Variants in CNTNAP5 observed in about 807,000 individuals in gnomAD.
CNTNAP5 encodes contactin associated protein family member 5.
CNTNAP5 carries 72 observed loss-of-function variants against 150.2 expected under a neutral mutation model. The observed-to-expected ratio is 0.48, with a 90% confidence interval of 0.40 to 0.58. The LOEUF (loss-of-function observed/expected upper bound fraction) is 0.58, where lower values mean the gene tolerates loss of function less well. Among genes scored for constraint, CNTNAP5 ranks in the 20% least tolerant of loss-of-function variants. The pLI is 0.00. For synonymous variants in CNTNAP5, 672 were observed against 619.8 expected (o/e 1.08, Z -1.25); for missense variants, 1,636 against 1,626.2 (o/e 1.01, Z -0.10).
At chr2:124,426,606 C>T (rs1287828074) in intron 4 of CNTNAP5, among the ~76,000 whole-genome samples, 2 of 152,300 alleles carry the variant, frequency 1.3e-5, no homozygotes, top group Non-Finnish European at 2.9e-5. Flanking sequence ...TGTTGAGCTT[C>T]GGCTTTCTGG....
chr2:124,220,512 C>G (rs548635136), intron 1 of CNTNAP5, among the ~76,000 whole-genome samples: 49 of 152,218 alleles, frequency 3.2e-4, no homozygotes, highest in African/African-American at 1.1e-3. Context: ...AAAATACAAA[C>G]AGATAAGTGA....
In CNTNAP5 at chr2:124,563,198, TTA is replaced by T; in HGVS notation, c.1650-17_1650-16del. On this transcript the variant is annotated splice_polypyrimidine_tract_variant and intron_variant, in intron 10 of 23. Coordinates refer to ENST00000682447, the MANE Select transcript of CNTNAP5 (RefSeq NM_001367498.1). ...ATGATTTGGTTTATTTTCTTTTCAT[TTA>T]TGTTTTCTTCCATTAGGTGTTTGCC... 1 of 1,495,966 alleles carries T rather than the reference TTA, an allele frequency of 6.7e-7. No individual in the cohort carries two copies. Among genetic ancestry groups the T allele is most frequent in the East Asian group, 2.3e-5 (1 of 42,594 alleles). 92.7% of individuals were successfully genotyped at this position (1,495,966 alleles called of 1,614,324 possible). A position where few individuals can be genotyped will look rare whatever the true frequency, so the allele number is the denominator to read the frequency against.
intron 3 of CNTNAP5, among the ~76,000 whole-genome samples, chr2:124,256,153 A>G (rs1687309111): frequency 6.6e-6 from 1 of 152,120 alleles, no homozygotes; most frequent in African/African-American, 2.4e-5. Flanking sequence ...GTTCTAGAGT[A>G]ATTATTAATT....
At chr2:124,452,524 C>T (rs1693010865) in intron 6 of CNTNAP5, among the ~76,000 whole-genome samples, 1 of 152,150 alleles carries the variant, frequency 6.6e-6, no homozygotes. Context: ...CCACCTGTTC[C>T]TCTCCATACT....
intron 6 of CNTNAP5, among the ~76,000 whole-genome samples, chr2:124,457,208 C>T (rs543260528): frequency 6.6e-6 from 1 of 151,508 alleles, no homozygotes; most frequent in East Asian, 2.0e-4. Context: ...TAGAAGATAA[C>T]ATTGGAAAAA....
At chr2:124,074,319 T>C (rs1044713706) in intron 1 of CNTNAP5, among the ~76,000 whole-genome samples, 1 of 152,110 alleles carries the variant, frequency 6.6e-6, no homozygotes, top group African/African-American at 2.4e-5. Context: ...TTTGATTGTA[T>C]ATTTTTAAAT....
At chr2:124,080,709 G>C (rs903991397) in intron 1 of CNTNAP5, among the ~76,000 whole-genome samples, 13 of 152,158 alleles carry the variant, frequency 8.5e-5, no homozygotes, top group Admixed American at 8.5e-4. Context: ...AAAATACCTT[G>C]ACTGAAATTT....
chr2:124,305,111 CAAAAAA>C (rs57896748), intron 3 of CNTNAP5, among the ~76,000 whole-genome samples: 5 of 86,376 alleles, frequency 5.8e-5, no homozygotes, highest in Non-Finnish European at 8.7e-5. Flanking sequence ...ACAAAAAATA[CAAAAAA>C]AAAAAAAAAA....
chr2:124,385,596 G>A (rs1690906990), intron 3 of CNTNAP5, among the ~76,000 whole-genome samples: 1 of 152,176 alleles, frequency 6.6e-6, no homozygotes. Context: ...TGCTGCATAA[G>A]TAGGCACAGA....
chr2:124,070,905 C>T (rs1300033483), intron 1 of CNTNAP5, among the ~76,000 whole-genome samples: 1 of 151,972 alleles, frequency 6.6e-6, no homozygotes, highest in East Asian at 1.9e-4. Flanking sequence ...ACATTCTTCT[C>T]CTCAGCACAC....
At chr2:124,701,263 G>A (rs569753790) in intron 13 of CNTNAP5, among the ~76,000 whole-genome samples, 5 of 152,178 alleles carry the variant, frequency 3.3e-5, no homozygotes, top group Admixed American at 2.0e-4. Flanking sequence ...ACCTATAAGT[G>A]AGATCATGCA....
At chr2:124,512,693 ATTAG>A (rs1317808898) in intron 8 of CNTNAP5, among the ~76,000 whole-genome samples, 4 of 152,208 alleles carry the variant, frequency 2.6e-5, no homozygotes, top group African/African-American at 9.6e-5. Context: ...CTTGAACAGT[ATTAG>A]TTAGAGATAA....
At chr2:124,757,905 C>G (rs557393142) in intron 14 of CNTNAP5, among the ~76,000 whole-genome samples, 1 of 152,288 alleles carries the variant, frequency 6.6e-6, no homozygotes, top group South Asian at 2.1e-4. Context: ...TTATTGTCCA[C>G]TTTATAAATA....
intron 1 of CNTNAP5, among the ~76,000 whole-genome samples, chr2:124,127,114 C>G (rs1054807946): frequency 2.6e-5 from 4 of 152,154 alleles, no homozygotes; most frequent in African/African-American, 9.7e-5. Context: ...AAGAAGCAGT[C>G]AAATTGTCCC....
rs150660008 is a variant in CNTNAP5, at chr2:124,177,278, A to G, written c.83-44427A>G. On this transcript the variant is annotated intron_variant, in intron 1 of 23. Coordinates refer to ENST00000682447, the MANE Select transcript of CNTNAP5 (RefSeq NM_001367498.1). ...CTGTGGCTAGCCCCAGGGGAGAATGAGGGGCCAGAGACAGGAGGGTCGGAG... is the reference window on the plus strand; with the variant it reads ...CTGTGGCTAGCCCCAGGGGAGAATGGGGGGCCAGAGACAGGAGGGTCGGAG... 4.1e-3 allele frequency among the ~76,000 whole-genome samples: 623 copies of G among 152,234 alleles called. 7 individuals are homozygous for G. The highest frequency in any genetic ancestry group is 0.031 in the East Asian group (160 of 5,168).
intron 1 of CNTNAP5, among the ~76,000 whole-genome samples, chr2:124,047,569 A>G (rs535977826): frequency 7.2e-5 from 11 of 152,316 alleles, no homozygotes; most frequent in Admixed American, 5.9e-4. Context: ...CCTAAACCCA[A>G]TCAAGTAGTA....
chr2:124,499,678 C>T (rs891402519), intron 7 of CNTNAP5, among the ~76,000 whole-genome samples: 5 of 152,280 alleles, frequency 3.3e-5, no homozygotes, highest in African/African-American at 1.2e-4. Flanking sequence ...GAATGGGAAC[C>T]ACACTTGCCC....
At chr2:124,390,784 G>A (rs970340530) in intron 3 of CNTNAP5, among the ~76,000 whole-genome samples, 1 of 152,076 alleles carries the variant, frequency 6.6e-6, no homozygotes, top group African/African-American at 2.4e-5. Context: ...TTTGAATAGT[G>A]GTTTTATAGG....
chr2:124,639,314 G>A (rs1678041586), intron 12 of CNTNAP5, among the ~76,000 whole-genome samples: 1 of 152,186 alleles, frequency 6.6e-6, no homozygotes, highest in Non-Finnish European at 1.5e-5. Context: ...CATTCATCTT[G>A]TGATGAGCTC....
Sources: allele counts gnomAD v4.1 joint callset (sites outside exome capture counted in the v4.1 genomes callset), GRCh38; gene constraint gnomAD v4.1.1; transcripts MANE v1.5; gene names NCBI Gene and HGNC (gene_info 2026-07-23, HGNC 2026-07-21).